ADGRL2: variants seen among roughly 807,000 people sequenced by gnomAD.
The protein encoded by ADGRL2 is adhesion G protein-coupled receptor L2.
In ADGRL2, 44 loss-of-function variants were observed where a neutral mutation model predicts 157.4. The observed-to-expected ratio is 0.28, with a 90% CI of 0.22 to 0.36. The LOEUF is 0.36. Among genes scored for constraint, ADGRL2 ranks in the 10% least tolerant of loss-of-function variants. The probability of loss-of-function intolerance (pLI) is 1.00; values close to 1 mark genes in which losing one functional copy is unlikely to be tolerated. For missense variants in ADGRL2, 1,510 were observed against 1,768.9 expected (o/e 0.85, Z 2.63); for synonymous variants, 585 against 624.7 (o/e 0.94, Z 0.95).
chr1:81,605,388 C>T (rs2081412824), intron 3 of ADGRL2, among the ~76,000 whole-genome samples: 1 of 152,076 alleles, frequency 6.6e-6, no homozygotes, highest in Admixed American at 6.5e-5. Flanking sequence ...CAGTTATGGC[C>T]CACAATTATA....
In ADGRL2 at chr1:81,321,324, C is replaced by T. The variant is rs537968640; in HGVS notation, c.-302+14815C>T. 5.3e-5 allele frequency among the ~76,000 whole-genome samples: 8 copies of T among 152,304 alleles called. No homozygotes were observed. In the South Asian group the frequency reaches 1.7e-3, roughly 32 times the overall value. On this transcript the variant is annotated intron_variant, in intron 1 of 24. Transcript: ENST00000370721. ...TTTGCTTTCTTACCATTCATGTGCT[C>T]ACAAGAGTAGCAGTTTTAATTTCCT...
chr1:81,867,928 C>T (rs1437302845), intron 2 of ADGRL2, among the ~76,000 whole-genome samples: 1 of 151,942 alleles, frequency 6.6e-6, no homozygotes, highest in Admixed American at 6.6e-5. Flanking sequence ...AGCTTATAGA[C>T]TCTTTGGAGA....
chr1:81,409,077 C>T (rs748297590), intron 1 of ADGRL2, among the ~76,000 whole-genome samples: 17 of 152,190 alleles, frequency 1.1e-4, no homozygotes, highest in Admixed American at 1.3e-4. Context: ...ACACACACAC[C>T]TAATAATCTA....
At chr1:81,563,219 T>C (rs569805268) in intron 2 of ADGRL2, among the ~76,000 whole-genome samples, 2 of 152,328 alleles carry the variant, frequency 1.3e-5, no homozygotes, top group South Asian at 2.1e-4. Context: ...GTAACTTGGC[T>C]TCAATTTGTA....
intron 2 of ADGRL2, among the ~76,000 whole-genome samples, chr1:81,877,650 C>A (rs901578580): frequency 7.2e-5 from 11 of 151,838 alleles, no homozygotes; most frequent in Non-Finnish European, 1.5e-4. Flanking sequence ...AGGAACAATA[C>A]GTGGCTTTTT....
At chr1:81,361,761 A>G (rs996372938) in intron 1 of ADGRL2, among the ~76,000 whole-genome samples, 2 of 151,992 alleles carry the variant, frequency 1.3e-5, no homozygotes, top group African/African-American at 4.8e-5. Flanking sequence ...ATTTTATGCA[A>G]GAAATGCTTA....
chr1:81,571,847 C>T (rs1348890297), intron 2 of ADGRL2, among the ~76,000 whole-genome samples: 1 of 152,144 alleles, frequency 6.6e-6, no homozygotes, highest in East Asian at 1.9e-4. Flanking sequence ...ACAGAATAGG[C>T]ACTCGACACA....
chr1:81,576,926 G>A lies in ADGRL2; in HGVS notation c.-247-3950G>A, dbSNP rs987234370. Among the ~76,000 whole-genome samples, 3 of 152,166 alleles carry A rather than the reference G, an allele frequency of 2.0e-5. No homozygotes were observed. The Middle Eastern group carries it at 0.01, about 518-fold the overall frequency. ...GATCTCAGTCTCAGTCCTAGTCTGG[G>A]ACATAGACATCATGTTGTTGGATCC... On this transcript the variant is annotated intron_variant, in intron 2 of 24. Coordinates refer to the ADGRL2 transcript ENST00000370721.
rs1016318526 is a variant in ADGRL2 at position 81,849,456 on chromosome 1, A to C, written c.73+12399A>C. On this transcript the variant is annotated intron_variant, in intron 2 of 23. Transcript: ENST00000686636. Reference sequence around the variant, plus strand: ...GCCCTAATTATTCCTAACTTACGTGAGTAGATTTCAATTATAGTATCCTGC... The same window carrying C: ...GCCCTAATTATTCCTAACTTACGTGCGTAGATTTCAATTATAGTATCCTGC... Among the ~76,000 whole-genome samples, 3 of 151,942 alleles carry C rather than the reference A, an allele frequency of 2.0e-5. No individual in the cohort carries two copies. The South Asian group carries it at 6.2e-4, about 31-fold the overall frequency.
intron 2 of ADGRL2, among the ~76,000 whole-genome samples, chr1:81,464,685 A>AT (rs1235053871): frequency 6.6e-6 from 1 of 152,196 alleles, no homozygotes. Flanking sequence ...GTTACTCCAG[A>AT]ACAAGTCTAT....
chr1:81,941,097 T>C (rs1344172856), intron 4 of ADGRL2, among the ~76,000 whole-genome samples: 1 of 151,354 alleles, frequency 6.6e-6, no homozygotes, highest in African/African-American at 2.4e-5. Context: ...ATGGTAGAAT[T>C]GTCATAATAA....
intron 2 of ADGRL2, among the ~76,000 whole-genome samples, chr1:81,487,784 T>A (rs1051514077): frequency 7.9e-5 from 12 of 152,318 alleles, no homozygotes; most frequent in Admixed American, 5.2e-4. Flanking sequence ...AGTTTGTATC[T>A]GAATACTCAC....
intron 1 of ADGRL2, among the ~76,000 whole-genome samples, chr1:81,342,241 TA>T (rs1309644580): frequency 6.6e-6 from 1 of 152,232 alleles, no homozygotes; most frequent in Admixed American, 6.5e-5. Context: ...ATGAATCTAC[TA>T]AAAATATTAT....
chr1:81,764,622 G>A (rs930404445), intron 2 of ADGRL2, among the ~76,000 whole-genome samples: 18 of 152,100 alleles, frequency 1.2e-4, no homozygotes, highest in African/African-American at 4.1e-4. Flanking sequence ...GAGACTAGGA[G>A]GAATGCATTG....
At chr1:81,695,812 G>A (rs561191), upstream of ADGRL2, among the ~76,000 whole-genome samples, 10,915 of 147,544 alleles carry the variant, frequency 0.074, 414 homozygotes, top group East Asian at 0.14. Context: ...AACAGAGTGA[G>A]ACTCTGTTTC....
At chr1:81,544,295 T>C (rs1358802930) in intron 2 of ADGRL2, among the ~76,000 whole-genome samples, 1 of 152,222 alleles carries the variant, frequency 6.6e-6, no homozygotes, top group Admixed American at 6.5e-5. Flanking sequence ...GGGTTGTCAA[T>C]AAATATTTAT....
At chr1:81,542,560 G>C (rs991170951) in intron 2 of ADGRL2, among the ~76,000 whole-genome samples, 1 of 152,162 alleles carries the variant, frequency 6.6e-6, no homozygotes, top group African/African-American at 2.4e-5. Context: ...CAAGGGTAAG[G>C]ATATAATTTA....
intron 2 of ADGRL2, among the ~76,000 whole-genome samples, chr1:81,842,186 A>G (rs556341422): frequency 1.1e-4 from 16 of 152,138 alleles, no homozygotes; most frequent in African/African-American, 3.9e-4. Context: ...TTTCAAAAGT[A>G]TTTTTGGAAA....
In ADGRL2 at chr1:81,875,625, A is replaced by C. The variant is rs558122985; in HGVS notation, c.74-31392A>C. ...AACAACAATTAAATCTTACTCTTTAAAATACTAGTTAAGTGTAGCACTCTT... is the reference window on the plus strand; with the variant it reads ...AACAACAATTAAATCTTACTCTTTACAATACTAGTTAAGTGTAGCACTCTT... On this transcript the variant is annotated intron_variant, in intron 2 of 23. Coordinates refer to ENST00000686636, the MANE Select transcript of ADGRL2 (RefSeq NM_001366006.2). Among the ~76,000 whole-genome samples, 11 of 152,276 alleles carry C rather than the reference A, an allele frequency of 7.2e-5. No individual in the cohort carries two copies. The East Asian group carries it at 2.1e-3, about 29-fold the overall frequency.
Sources: gnomAD v4.1 joint callset for allele counts (sites outside exome capture counted in the v4.1 genomes callset) on GRCh38, gnomAD v4.1.1 for gene constraint, MANE v1.5 for transcripts, NCBI Gene and HGNC (gene_info 2026-07-23, HGNC 2026-07-21) for gene names.